Variants in ZNF148 observed in about 807,000 individuals in gnomAD.
The protein encoded by ZNF148 is zinc finger protein 148.
ZNF148 carries 7 observed loss-of-function variants against 67.7 expected under a neutral mutation model. The observed-to-expected ratio is 0.10, with a 90% CI of 0.06 to 0.19. The LOEUF (loss-of-function observed/expected upper bound fraction) is 0.19. Among genes scored for constraint, ZNF148 ranks in the 10% least tolerant of loss-of-function variants. The probability of loss-of-function intolerance (pLI) is 1.00; values close to 1 mark genes in which losing one functional copy is unlikely to be tolerated. For synonymous variants in ZNF148, 333 were observed against 330.7 expected, an observed-to-expected ratio of 1.01 and a Z score of -0.08; for missense variants, 583 against 947.1, an observed-to-expected ratio of 0.62 and a Z score of 5.05.
chr3:125,259,092 C>T (rs1464747071), intron 7 of ZNF148, among the ~76,000 whole-genome samples: 2 of 151,998 alleles, frequency 1.3e-5, no homozygotes, highest in Non-Finnish European at 2.9e-5. Context: ...AATACTTCAT[C>T]AATTTGAAAA....
intron 1 of ZNF148, among the ~76,000 whole-genome samples, chr3:125,345,561 T>C (rs554099048): frequency 6.9e-6 from 1 of 145,180 alleles, no homozygotes; most frequent in Non-Finnish European, 1.5e-5. Flanking sequence ...AGCAAAAAAT[T>C]TGTAAGCCTC....
rs192385597 is a variant in ZNF148 at position 125,234,475 on chromosome 3, A to G, written c.668-146T>C. On this transcript the variant is annotated intron_variant, in intron 7 of 8. Coordinates refer to ENST00000360647, the MANE Select transcript of ZNF148 (RefSeq NM_021964.3). ...AAATATATTTTGCTTTATAAAAATG[A>G]AAAGGATTAGCATATGCTATTGGAA... 2.6e-3 allele frequency: 1,659 copies of G among 632,512 alleles called. 20 individuals carry two copies. The African/African-American group carries it at 0.027, about 10-fold the overall frequency. The allele number at this position is 632,512 out of a possible 1,614,324, so 39.2% of individuals were successfully genotyped here.
At chr3:125,279,931 G>A (rs1938286903) in intron 5 of ZNF148, among the ~76,000 whole-genome samples, 2 of 151,962 alleles carry the variant, frequency 1.3e-5, no homozygotes, top group Admixed American at 1.3e-4. Context: ...GATAAAATGG[G>A]AGGGAGGTTT....
At chr3:125,293,257 C>A (rs1045650549) in intron 4 of ZNF148, among the ~76,000 whole-genome samples, 8 of 152,238 alleles carry the variant, frequency 5.3e-5, no homozygotes, top group Admixed American at 1.3e-4. Context: ...CTTAACTATA[C>A]AATCCCTTTC....
chr3:125,246,971 T>C (rs1300359594), intron 7 of ZNF148, among the ~76,000 whole-genome samples: 1 of 152,152 alleles, frequency 6.6e-6, no homozygotes, highest in Non-Finnish European at 1.5e-5. Flanking sequence ...ATGCAGGAAA[T>C]TACATCCTAT....
intron 1 of ZNF148, among the ~76,000 whole-genome samples, chr3:125,336,482 C>T (rs1026086090): frequency 5.9e-5 from 9 of 152,112 alleles, no homozygotes; most frequent in Admixed American, 3.9e-4. Flanking sequence ...AAAGAACAGA[C>T]GTATGTGTTC....
chr3:125,277,147 A>G (rs1341151700), intron 7 of ZNF148, among the ~76,000 whole-genome samples: 2 of 152,236 alleles, frequency 1.3e-5, no homozygotes, highest in African/African-American at 4.8e-5. Flanking sequence ...AGTTACTTAT[A>G]AAAGTTGGTT....
intron 4 of ZNF148, among the ~76,000 whole-genome samples, chr3:125,302,275 G>T (rs1939633348): frequency 1.3e-5 from 2 of 151,238 alleles, no homozygotes; most frequent in South Asian, 4.2e-4. Flanking sequence ...CAACTTTGGA[G>T]GCAACAGTGA....
At chr3:125,274,617 A>G (rs1490326443) in intron 7 of ZNF148, among the ~76,000 whole-genome samples, 1 of 152,236 alleles carries the variant, frequency 6.6e-6, no homozygotes, top group Non-Finnish European at 1.5e-5. Context: ...TTTTAATAAG[A>G]CACAGGTTTC....
chr3:125,292,522 T>A (rs1306291862), intron 4 of ZNF148: 1 of 152,230 alleles, frequency 6.6e-6, no homozygotes, highest in African/African-American at 2.4e-5. Context: ...CCAAGTTCCA[T>A]AAAATCACCT....
intron 5 of ZNF148, among the ~76,000 whole-genome samples, chr3:125,283,827 A>G (rs1938518804): frequency 2.0e-5 from 3 of 152,190 alleles, no homozygotes; most frequent in African/African-American, 7.2e-5. Flanking sequence ...CTGGGAACCA[A>G]CAATATATAA....
At chr3:125,311,373 A>G (rs1037122809) in intron 4 of ZNF148, 1 of 152,600 alleles carries the variant, frequency 6.6e-6, no homozygotes, top group African/African-American at 2.4e-5. Flanking sequence ...TGCTAAGAAT[A>G]GAAAATGAGA....
chr3:125,367,214 T>G (rs981015053), intron 1 of ZNF148, among the ~76,000 whole-genome samples: 1 of 152,248 alleles, frequency 6.6e-6, no homozygotes, highest in African/African-American at 2.4e-5. Flanking sequence ...TTGACTCTTA[T>G]CCTTCAAATA....
chr3:125,366,032 G>A (rs544411862), intron 1 of ZNF148, among the ~76,000 whole-genome samples: 48 of 152,094 alleles, frequency 3.2e-4, no homozygotes, highest in South Asian at 8.3e-4. Context: ...CACATTACCC[G>A]CAATCTACCC....
intron 1 of ZNF148, among the ~76,000 whole-genome samples, chr3:125,334,205 T>C (rs975655661): frequency 2.0e-5 from 3 of 152,204 alleles, no homozygotes; most frequent in Non-Finnish European, 4.4e-5. Flanking sequence ...ATATACTTAC[T>C]AGCAGGTGGT....
intron 1 of ZNF148, among the ~76,000 whole-genome samples, chr3:125,333,692 A>C (rs1411328565): frequency 6.6e-6 from 1 of 152,204 alleles, no homozygotes; most frequent in African/African-American, 2.4e-5. Flanking sequence ...CCTCCTTAGC[A>C]ATTCTTTTAA....
At chr3:125,247,497 C>T (rs144339989) in intron 7 of ZNF148, among the ~76,000 whole-genome samples, 5 of 152,070 alleles carry the variant, frequency 3.3e-5, no homozygotes, top group East Asian at 3.9e-4. Context: ...AGTGCAGTGG[C>T]GCAACCTCAG....
At chr3:125,296,253 C>T (rs971005890) in intron 4 of ZNF148, among the ~76,000 whole-genome samples, 4 of 152,042 alleles carry the variant, frequency 2.6e-5, no homozygotes, top group African/African-American at 9.7e-5. Context: ...TTTGGAGTAG[C>T]TGGGACTACA....
intron 1 of ZNF148, chr3:125,338,789 T>C (rs1941602484): frequency 6.6e-6 from 1 of 151,698 alleles, no homozygotes; most frequent in East Asian, 1.9e-4. Context: ...AAAGCCATAC[T>C]CCATTTCCAG....
Sources: allele counts gnomAD v4.1 joint callset (sites outside exome capture counted in the v4.1 genomes callset), GRCh38; gene constraint gnomAD v4.1.1; transcripts MANE v1.5; gene names NCBI Gene and HGNC (gene_info 2026-07-23, HGNC 2026-07-21).